EPHA1: variants seen among roughly 807,000 people sequenced by gnomAD.
EPHA1 encodes ephrin type-A receptor 1.
A neutral mutation model predicts 110.1 loss-of-function variants in EPHA1; 92 were observed. The observed-to-expected ratio is 0.84, with a 90% CI of 0.71 to 0.99. The LOEUF is 0.99. Ranked by LOEUF, EPHA1 falls within the 50% of genes least tolerant of loss-of-function variation. EPHA1 has a pLI of 0.00. For synonymous variants in EPHA1, 500 were observed against 516.1 expected (o/e 0.97, Z 0.42); for missense variants, 1,204 against 1,285.4 (o/e 0.94, Z 0.97).
Position 143,398,875 on chromosome 7 carries a change from G to A in EPHA1, c.1062C>T (p.Pro354=), listed in dbSNP as rs1160842611. The change falls in exon 6 of 18, where the codon CCC becomes CCT. Residue 354 remains proline, a synonymous_variant. Transcript: ENST00000275815. ...CCTGGCGTCCCCCCGTATCTGCTGG[G>A]GGTTCCCAACGCAGGGAGAGCTGAG... ...SGTQLSLRWE[P]PADTGGRQDV... is the part of the protein sequence containing the mutation. The A allele has an allele frequency of 6.2e-7, 1 of 1,613,366 alleles. No individual in the cohort carries two copies. The highest frequency in any genetic ancestry group is 1.1e-5 in the South Asian group (1 of 91,058).
chr7:143,392,886 G>A (rs929130185), intron 16 of EPHA1, among the ~76,000 whole-genome samples: 11 of 152,082 alleles, frequency 7.2e-5, no homozygotes, highest in African/African-American at 2.7e-4. Flanking sequence ...AGGCTGCAGT[G>A]AGCTGAGATT....
At chr7:143,391,589 C>T in intron 17 of EPHA1, 31 bp downstream of exon 17, 2 of 1,614,176 alleles carry the variant, frequency 1.2e-6, no homozygotes, top group Non-Finnish European at 1.7e-6. Context: ...CCCCGCAGCC[C>T]TCCCCTGCCC....
Position 143,395,288 on chromosome 7 carries a change from GC to G in EPHA1, c.2083+30del. The G allele has an allele frequency of 1.2e-6, 2 of 1,613,480 alleles. No individual in the cohort carries two copies. Among genetic ancestry groups the G allele is most frequent in the Non-Finnish European group, 1.7e-6 (2 of 1,179,792 alleles). ...TTCACCCCTCTTTCCTGCATTTCCC[GC>G]CCCCAGCTGAGGGAGACCACTCATC... On this transcript the variant is annotated intron_variant, in intron 12 of 17. Coordinates refer to ENST00000275815, the MANE Select transcript of EPHA1 (RefSeq NM_005232.5). The surrounding 1 kb of genome is among the most constrained non-coding windows in gnomAD (Gnocchi z 4.7).
chr7:143,401,658 C>A lies in EPHA1; in HGVS notation c.151-53G>T. 2 of 1,578,526 alleles carry A rather than the reference C, an allele frequency of 1.3e-6. No individual in the cohort carries two copies. The highest frequency in any genetic ancestry group is 2.3e-5 in the South Asian group (2 of 86,160). The stretch of plus-strand genomic sequence containing the variant: ...CCAGATCATCCCCTGCTCCCCAAAC[C>A]CTTGGTTTTTAGAGCTGATGGAGAA... On this transcript the variant is annotated intron_variant, in intron 2 of 17. Transcript: ENST00000275815. The surrounding 1 kb of genome is among the most constrained non-coding windows in gnomAD (Gnocchi z 4.1).
chr7:143,400,650 T>C (rs977717966), intron 3 of EPHA1, among the ~76,000 whole-genome samples: 5 of 152,204 alleles, frequency 3.3e-5, no homozygotes, highest in African/African-American at 1.2e-4. Flanking sequence ...GGGTTGCTTA[T>C]GAACATCGTG....
In EPHA1 at chr7:143,401,225, T is replaced by C; in HGVS notation, c.432+99A>G. 6.8e-7 allele frequency: 1 copy of C among 1,463,012 alleles called. No individual in the cohort carries two copies. The highest frequency in any genetic ancestry group is 9.2e-7 in the Non-Finnish European group (1 of 1,084,130). The allele number at this position is 1,463,012 out of a possible 1,614,324, so 90.6% of individuals were successfully genotyped here. A position where few individuals can be genotyped will look rare whatever the true frequency, so the allele number is the denominator to read the frequency against. On this transcript the variant is annotated intron_variant, in intron 3 of 17. Transcript: ENST00000275815. The surrounding 1 kb of genome is among the most constrained non-coding windows in gnomAD (Gnocchi z 4.1). Reference sequence around the variant, plus strand: ...GCCAAATTCTTTTCAAGATTCTACCTCTGCACCCTCTTCCTGTCTCTGCAA... The same window carrying C: ...GCCAAATTCTTTTCAAGATTCTACCCCTGCACCCTCTTCCTGTCTCTGCAA...
Position 143,399,393 on chromosome 7 carries a change from G to T in EPHA1, c.856C>A (p.Arg286=), listed in dbSNP as rs149680322. The part of the protein sequence containing the change: ...ACVACPSGSY[R]MDMDTPHCLT... ...CAATGGGGTGTGTCCATGTCCATCC[G>T]GTAGGAGCCGCTAGGGCAGGCTGGA... The change falls in exon 5 of 18, where the codon CGG becomes AGG. Residue 286 remains arginine (R), a synonymous_variant. Transcript: ENST00000275815. 6.3e-7 allele frequency: 1 copy of T among 1,594,870 alleles called. No individual in the cohort carries two copies. The highest frequency in any genetic ancestry group is 8.5e-7 in the Non-Finnish European group (1 of 1,170,018).
intron 10 of EPHA1, 151 bp downstream of exon 10, chr7:143,397,153 C>T: frequency 1.1e-6 from 1 of 914,332 alleles, no homozygotes; most frequent in Non-Finnish European, 1.6e-6. Context: ...CACAAGAGCC[C>T]TGGGGACAAC....
At chr7:143,397,482 G>T in intron 9 of EPHA1, 79 bp downstream of exon 9, 1 of 1,592,694 alleles carries the variant, frequency 6.3e-7, no homozygotes, top group Non-Finnish European at 8.6e-7. Context: ...TGATACTAGG[G>T]GATGGGAGGG....
Position 143,401,536 on chromosome 7 carries a change from G to A in EPHA1, c.220C>T (p.Arg74Cys), listed in dbSNP as rs755258725. 2.7e-5 allele frequency: 43 copies of A among 1,614,006 alleles called. No homozygotes were observed. Among genetic ancestry groups the A allele is most frequent in the South Asian group, 1.6e-4 (15 of 91,086 alleles). ...CGAAGCCAGTGGTCAGTGTCTCTGC[G>A]TCCTTGCATTGGGCAGTCCTGGTAC... ...YMYQDCPMQG[R>C]RDTDHWLRSN... The change falls in exon 3 of 18, where the codon CGC (arginine) becomes TGC (cysteine). Residue 74 changes from arginine (R) to cysteine (C), a missense_variant. Transcript: ENST00000275815. This position sits in a 1 kb window ranked among gnomAD's most constrained non-coding sequence, Gnocchi z 4.1.
rs765978732 is a variant in EPHA1, at chr7:143,397,928, C to T, written c.1607G>A (p.Ser536Asn). ...PFSPDHEFRT[S>N]PPVSRGLTGG... Reference sequence around the variant, plus strand: ...AGCACAAGATACCCCACCTGGTGGGCTGGTCCGAAACTCATGATCAGGGGA... The same window carrying T: ...AGCACAAGATACCCCACCTGGTGGGTTGGTCCGAAACTCATGATCAGGGGA... The change falls in exon 8 of 18, where the codon AGC becomes AAC. Residue 536 changes from serine to asparagine, a missense_variant. Coordinates refer to ENST00000275815, the MANE Select transcript of EPHA1 (RefSeq NM_005232.5). 1 of 1,613,966 alleles carries T rather than the reference C, an allele frequency of 6.2e-7. No homozygotes were observed. The highest frequency in any genetic ancestry group is 8.5e-7 in the Non-Finnish European group (1 of 1,179,872).
At chr7:143,392,546 G>A (rs1176749496) in intron 16 of EPHA1, among the ~76,000 whole-genome samples, 1 of 151,936 alleles carries the variant, frequency 6.6e-6, no homozygotes, top group Admixed American at 6.5e-5. Flanking sequence ...CCCAACCTGA[G>A]CGCTCCCCCA....
At position 143,399,289 on chromosome 7, in the gene EPHA1, AGCTCTGTAATGGCC is replaced by A. The variant is rs750064874; in HGVS notation, c.946_959del (p.Gly316SerfsTer90). The A allele has an allele frequency of 6.2e-7, 1 of 1,611,810 alleles. No individual in the cohort carries two copies. The highest frequency in any genetic ancestry group is 8.5e-7 in the Non-Finnish European group (1 of 1,179,814). On this transcript the variant is annotated frameshift_variant, in exon 5 of 18. Transcript: ENST00000275815. LOFTEE classifies it high-confidence loss of function. ...ATGCCACCTGGGGGCCCTCCCCGGG[AGCTCTGTAATGGCC>A]GCTCTCACAGGTACAGATGGTGGCC...
Position 143,393,596 on chromosome 7 carries a change from A to C in EPHA1, c.2696+75T>G. The C allele has an allele frequency of 6.6e-7, 1 of 1,525,950 alleles. No homozygotes were observed. The highest frequency in any genetic ancestry group is 1.4e-5 in the African/African-American group (1 of 72,684). The allele number at this position is 1,525,950 out of a possible 1,614,324, so 94.5% of individuals were successfully genotyped here. On this transcript the variant is annotated intron_variant, in intron 16 of 17. Transcript: ENST00000275815. The surrounding 1 kb of genome is among the most constrained non-coding windows in gnomAD (Gnocchi z 5.6). ...AGCTCCCCAGGCCCAGCGCTCAAAG[A>C]AGATTGGCTGAATGCCCATTTCCAC... is the stretch of plus-strand genomic sequence containing the variant.
chr7:143,399,350 T>G lies in EPHA1; in HGVS notation c.899A>C (p.Gln300Pro). Reference sequence around the variant, plus strand: ...GGCCCCCTCAGACTCAGCAGTGCTCTGCTGGGGGCACGTGAGACAATGGGG... The same window carrying G: ...GGCCCCCTCAGACTCAGCAGTGCTCGGCTGGGGGCACGTGAGACAATGGGG... ...DTPHCLTCPQ[Q>P]STAESEGATI... The change falls in exon 5 of 18, where the codon CAG (glutamine) becomes CCG (proline). Residue 300 changes from glutamine to proline, a missense_variant. Transcript: ENST00000275815. 1 of 1,612,184 alleles carries G rather than the reference T, an allele frequency of 6.2e-7. No homozygotes were observed. The highest frequency in any genetic ancestry group is 2.2e-5 in the East Asian group (1 of 44,864).
chr7:143,396,483 A>G lies in EPHA1; in HGVS notation c.1799T>C (p.Val600Ala). The change falls in exon 11 of 18, where the codon GTG (valine) becomes GCG (alanine). Residue 600 changes from valine to alanine, a missense_variant. Transcript: ENST00000275815. ...REDKLWLKPY[V>A]DLQAYEDPAQ... ...AGGGTCCTCGTATGCCTGGAGGTCC[A>G]CATAAGGCTTCAGCCACAGCTTGTC... is the stretch of plus-strand genomic sequence containing the variant. 1.2e-6 allele frequency: 2 copies of G among 1,614,022 alleles called. No individual in the cohort carries two copies. Among genetic ancestry groups the G allele is most frequent in the Non-Finnish European group, 1.7e-6 (2 of 1,179,942 alleles).
At chr7:143,397,409 AG>A in intron 9 of EPHA1, 47 bp from the exon 10 acceptor site, 1 of 1,547,626 alleles carries the variant, frequency 6.5e-7, no homozygotes, top group East Asian at 2.4e-5. Flanking sequence ...GGACCACCTC[AG>A]GGGTCCGAGG....
chr7:143,401,058 T>A lies in EPHA1; in HGVS notation c.432+266A>T. ...ACAGGTATGGGCCACCATGCCCAGG[T>A]GATTTTTAATTTTTTGCAGAGATGA... On this transcript the variant is annotated intron_variant, in intron 3 of 17. Transcript: ENST00000275815. This position sits in a 1 kb window ranked among gnomAD's most constrained non-coding sequence, Gnocchi z 4.1. The A allele has an allele frequency of 2.1e-6, 1 of 485,456 alleles. No individual in the cohort carries two copies. Among genetic ancestry groups the A allele is most frequent in the Non-Finnish European group, 3.7e-6 (1 of 269,124 alleles). 30.1% of individuals were successfully genotyped at this position (485,456 alleles called of 1,614,324 possible). A position where few individuals can be genotyped will look rare whatever the true frequency, so the allele number is the denominator to read the frequency against.
chr7:143,405,500 T>C (rs73458311), intron 2 of EPHA1, among the ~76,000 whole-genome samples: 3,411 of 151,160 alleles, frequency 0.023, 132 homozygotes, highest in African/African-American at 0.078. Context: ...ACAAGGTAGA[T>C]AGTGGGAGTG....
Sources: gnomAD v4.1 joint callset for allele counts (sites outside exome capture counted in the v4.1 genomes callset) on GRCh38, gnomAD v4.1.1 for gene constraint, Gnocchi (gnomAD v3.1) non-coding constraint, MANE v1.5 for transcripts, NCBI Gene and HGNC (gene_info 2026-07-23, HGNC 2026-07-21) for gene names.